FRAS1: variants seen among roughly 807,000 people sequenced by gnomAD.
FRAS1 encodes the protein Fraser extracellular matrix complex subunit 1, also known as extracellular matrix organizing protein FRAS1.
FRAS1 carries 290 observed loss-of-function variants against 435.2 expected under a neutral mutation model. The ratio of observed to expected loss-of-function variants is 0.67; its 90% CI spans 0.61 to 0.73. The LOEUF (loss-of-function observed/expected upper bound fraction) is 0.73. Among genes scored for constraint, FRAS1 ranks in the 30% least tolerant of loss-of-function variants. The pLI is 0.00. For missense variants in FRAS1, 4,860 were observed against 5,001.5 expected, an observed-to-expected ratio of 0.97 and a Z score of 0.85; for synonymous variants, 1,800 against 1,851.0, an observed-to-expected ratio of 0.97 and a Z score of 0.71.
chr4:78,312,854 A>AG (rs1729081490), intron 15 of FRAS1, among the ~76,000 whole-genome samples: 3 of 83,052 alleles, frequency 3.6e-5, no homozygotes, highest in African/African-American at 2.0e-4. Flanking sequence ...AGAAAGAAAG[A>AG]AAGAAAGAGA....
At chr4:78,448,338 GT>G in intron 44 of FRAS1, 22 bp downstream of exon 44, 1 of 1,567,898 alleles carries the variant, frequency 6.4e-7, no homozygotes, top group Non-Finnish European at 8.7e-7. Context: ...ATAAAGGAGA[GT>G]GGCCATGGTT....
chr4:78,486,830 A>ATTTT (rs67268640), intron 58 of FRAS1, among the ~76,000 whole-genome samples: 1 of 123,548 alleles, frequency 8.1e-6, no homozygotes, highest in Non-Finnish European at 1.7e-5. Context: ...CTCTCTCTCT[A>ATTTT]TTTTTTTTTT....
intron 7 of FRAS1, 118 bp from the exon 8 acceptor site, chr4:78,266,716 C>T: frequency 1.4e-6 from 1 of 725,390 alleles, no homozygotes; most frequent in South Asian, 1.6e-5. Flanking sequence ...CTCAAGAGTA[C>T]ATTCAATGTG....
intron 2 of FRAS1, among the ~76,000 whole-genome samples, chr4:78,120,199 T>C (rs1191791845): frequency 2.0e-5 from 3 of 152,212 alleles, no homozygotes; most frequent in Non-Finnish European, 4.4e-5. Context: ...ATCTTGAATT[T>C]AAACAAATAG....
chr4:78,274,346 C>A (rs967335165), intron 9 of FRAS1, among the ~76,000 whole-genome samples: 8 of 152,058 alleles, frequency 5.3e-5, no homozygotes, highest in African/African-American at 9.7e-5. Flanking sequence ...TTATTTCTTG[C>A]CTTCTGCTAG....
intron 2 of FRAS1, among the ~76,000 whole-genome samples, chr4:78,090,711 C>T (rs974536016): frequency 6.6e-6 from 1 of 152,130 alleles, no homozygotes; most frequent in Non-Finnish European, 1.5e-5. Context: ...ATTAAGAGAA[C>T]AAATGCCACA....
intron 14 of FRAS1, among the ~76,000 whole-genome samples, chr4:78,289,454 A>G (rs1200376184): frequency 1.3e-5 from 2 of 152,170 alleles, no homozygotes; most frequent in Admixed American, 1.3e-4. Flanking sequence ...ACCACTGTAC[A>G]TTAAGGCTTA....
At chr4:78,526,754 T>C in intron 70 of FRAS1, 97 bp downstream of exon 70, 1 of 750,134 alleles carries the variant, frequency 1.3e-6, no homozygotes, top group Non-Finnish European at 2.2e-6. Context: ...ATCAACATGG[T>C]GCTTTCATAG....
At chr4:78,280,773 C>T (rs928756769) in intron 10 of FRAS1, among the ~76,000 whole-genome samples, 1 of 152,054 alleles carries the variant, frequency 6.6e-6, no homozygotes, top group Admixed American at 6.6e-5. Flanking sequence ...TAGGACTTAC[C>T]GCATGAGGCT....
chr4:78,498,957 C>G (rs1720594837), intron 60 of FRAS1, among the ~76,000 whole-genome samples: 1 of 152,096 alleles, frequency 6.6e-6, no homozygotes, highest in Non-Finnish European at 1.5e-5. Context: ...AAGTGACTCT[C>G]CCACCTCAAC....
chr4:78,499,214 T>C (rs937600665), intron 60 of FRAS1, among the ~76,000 whole-genome samples: 1 of 152,118 alleles, frequency 6.6e-6, no homozygotes, highest in African/African-American at 2.4e-5. Context: ...GTGAGAGCAC[T>C]AAGAGGAGGG....
intron 67 of FRAS1, among the ~76,000 whole-genome samples, chr4:78,520,073 A>G (rs75307410): frequency 0.14 from 21,204 of 151,758 alleles, 1,788 homozygotes; most frequent in Non-Finnish European, 0.2. Flanking sequence ...GCCTCCAAGA[A>G]CTAAGTGGGA....
At chr4:78,445,973 ATG>A in intron 42 of FRAS1, 1 of 1,279,324 alleles carries the variant, frequency 7.8e-7, no homozygotes, top group Non-Finnish European at 9.8e-7. Flanking sequence ...AAGGTCAGAG[ATG>A]CTTTGCCAGT....
At chr4:78,264,357 A>T (rs1221877003) in intron 6 of FRAS1, among the ~76,000 whole-genome samples, 2 of 152,152 alleles carry the variant, frequency 1.3e-5, no homozygotes, top group Non-Finnish European at 2.9e-5. Context: ...TGTCACCCAC[A>T]TTTCTCTGCA....
In FRAS1 at chr4:78,451,856, G is replaced by A. The variant is rs984747817; in HGVS notation, c.6548G>A (p.Arg2183Lys). 3 of 1,613,154 alleles carry A rather than the reference G, an allele frequency of 1.9e-6. No homozygotes were observed. The highest frequency in any genetic ancestry group is 1.7e-5 in the Admixed American group (1 of 59,930). Residue 2183 changes from arginine (R) to lysine (K), a missense_variant, in exon 46 of 74, where the codon AGA (arginine) becomes AAA (lysine). Arg to Lys is a conservative substitution (Grantham distance 26, BLOSUM62 2). Transcript: ENST00000512123. The stretch of plus-strand genomic sequence containing the variant: ...GATGTGGTTGATGGAGAAGGCAACA[G>A]ATTGATTGACAAGTCATTTTCCATC... Reference protein sequence around the residue: ...KFDVVDGEGNRLIDKSFSISI... With the variant: ...KFDVVDGEGNKLIDKSFSISI...
intron 2 of FRAS1, chr4:78,068,594 G>C (rs1445811940): frequency 2.2e-6 from 1 of 456,234 alleles, no homozygotes; most frequent in South Asian, 1.5e-5. Flanking sequence ...AGGAGGAATG[G>C]CAACACTGGA....
intron 13 of FRAS1, among the ~76,000 whole-genome samples, chr4:78,285,395 C>G (rs1727538542): frequency 6.6e-6 from 1 of 150,580 alleles, no homozygotes; most frequent in African/African-American, 2.4e-5. Flanking sequence ...TAGGTTCATA[C>G]CTGGCTGTGA....
intron 2 of FRAS1, among the ~76,000 whole-genome samples, chr4:78,207,535 G>A (rs955830164): frequency 1.3e-5 from 2 of 152,186 alleles, no homozygotes; most frequent in East Asian, 3.8e-4. Context: ...TAAAGGGGAA[G>A]AGGGAGATGT....
At chr4:78,487,452 T>C (rs1224380378) in intron 58 of FRAS1, among the ~76,000 whole-genome samples, 1 of 152,084 alleles carries the variant, frequency 6.6e-6, no homozygotes, top group East Asian at 1.9e-4. Context: ...CTTTCTGGGT[T>C]GGTGGGGTGT....
Sources: gnomAD v4.1 joint callset for allele counts (sites outside exome capture counted in the v4.1 genomes callset) on GRCh38, gnomAD v4.1.1 for gene constraint, MANE v1.5 for transcripts, NCBI Gene and HGNC (gene_info 2026-07-23, HGNC 2026-07-21) for gene names.